Variants in NEGR1 observed in about 807,000 individuals in gnomAD.
NEGR1 encodes the protein IgLON family member 4.
In NEGR1, 10 loss-of-function variants were observed where a neutral mutation model predicts 40.9. The observed-to-expected ratio is 0.24, with a 90% CI of 0.15 to 0.42. NEGR1 has a LOEUF of 0.42. Ranked by LOEUF, NEGR1 falls within the 10% of genes least tolerant of loss-of-function variation. NEGR1 has a pLI of 1.00. For synonymous variants in NEGR1, 185 were observed against 166.8 expected (o/e 1.11, Z -0.84); for missense variants, 352 against 438.9 (o/e 0.80, Z 1.77).
At chr1:72,280,925 G>A (rs1656219512) in intron 1 of NEGR1, among the ~76,000 whole-genome samples, 1 of 152,212 alleles carries the variant, frequency 6.6e-6, no homozygotes, top group African/African-American at 2.4e-5. Flanking sequence ...AGGGAAATGT[G>A]AGGTGGGGTG....
At chr1:71,973,783 C>G (rs1308665638) in intron 1 of NEGR1, among the ~76,000 whole-genome samples, 1 of 152,142 alleles carries the variant, frequency 6.6e-6, no homozygotes, top group African/African-American at 2.4e-5. Flanking sequence ...ATAATTGGAA[C>G]CAAAGAGGAT....
intron 2 of NEGR1, among the ~76,000 whole-genome samples, chr1:71,899,427 T>G (rs1457363495): frequency 1.3e-5 from 2 of 151,978 alleles, no homozygotes; most frequent in Non-Finnish European, 2.9e-5. Flanking sequence ...GGGGAAAAAG[T>G]TAGGGATTTG....
intron 4 of NEGR1, among the ~76,000 whole-genome samples, chr1:71,669,582 G>T (rs1166049284): frequency 6.6e-6 from 1 of 152,006 alleles, no homozygotes; most frequent in Non-Finnish European, 1.5e-5. Flanking sequence ...CACCTACAAT[G>T]CTAGGGCCTT....
intron 6 of NEGR1, among the ~76,000 whole-genome samples, chr1:71,490,178 G>C (rs1646917226): frequency 6.6e-6 from 1 of 151,748 alleles, no homozygotes; most frequent in Admixed American, 6.6e-5. Flanking sequence ...TTCTTTTGCG[G>C]GATTGTATTC....
At position 71,909,792 on chromosome 1, in the gene NEGR1, C is replaced by T. The variant is rs969624828; in HGVS notation, c.409+25287G>A. Among the ~76,000 whole-genome samples, 6 of 151,970 alleles carry T rather than the reference C, an allele frequency of 3.9e-5. No homozygotes were observed. The South Asian group carries it at 1.0e-3, about 26-fold the overall frequency. On this transcript the variant is annotated intron_variant, in intron 2 of 6. Coordinates refer to ENST00000357731, the MANE Select transcript of NEGR1 (RefSeq NM_173808.3). ...TAGAATTTACAAACATTGTGAAGAC[C>T]GAATCAATACATTAATATTGAGGAG...
chr1:71,476,994 A>G (rs557210484), intron 6 of NEGR1: 2 of 152,256 alleles, frequency 1.3e-5, no homozygotes, highest in South Asian at 2.1e-4. Context: ...AAGGCATGCA[A>G]TTATAAGTTT....
chr1:71,719,898 A>T (rs1373061846), intron 3 of NEGR1, among the ~76,000 whole-genome samples: 1 of 152,132 alleles, frequency 6.6e-6, no homozygotes, highest in Non-Finnish European at 1.5e-5. Flanking sequence ...AGATTCAAAA[A>T]TTTCTAGTTT....
chr1:72,010,314 G>A (rs1031173132), intron 1 of NEGR1, among the ~76,000 whole-genome samples: 3 of 152,034 alleles, frequency 2.0e-5, no homozygotes, highest in African/African-American at 7.2e-5. Context: ...AATGAGGTGA[G>A]GTAGGGGAAG....
At chr1:71,593,452 T>A (rs756509904) in intron 5 of NEGR1, among the ~76,000 whole-genome samples, 6 of 152,078 alleles carry the variant, frequency 3.9e-5, no homozygotes, top group African/African-American at 7.2e-5. Context: ...TAGTTCTGAG[T>A]CCAGAGTCAA....
intron 6 of NEGR1, among the ~76,000 whole-genome samples, chr1:71,481,293 A>T (rs1235409570): frequency 6.6e-6 from 1 of 151,918 alleles, no homozygotes; most frequent in Non-Finnish European, 1.5e-5. Context: ...CTGAAAAAAA[A>T]AACTGATAGG....
intron 4 of NEGR1, among the ~76,000 whole-genome samples, chr1:71,652,390 T>A (rs1035627568): frequency 5.9e-5 from 9 of 152,182 alleles, no homozygotes; most frequent in Non-Finnish European, 5.9e-5. Context: ...TCTCATTTTT[T>A]AAACCAGAAG....
chr1:72,275,054 C>G, intron 1 of NEGR1: 1 of 1,413,098 alleles, frequency 7.1e-7, no homozygotes, highest in East Asian at 2.3e-5. Flanking sequence ...TTGGAACCAA[C>G]TGAGCAGAAA....
At chr1:71,692,696 A>T (rs1039112530) in intron 4 of NEGR1, among the ~76,000 whole-genome samples, 1 of 151,828 alleles carries the variant, frequency 6.6e-6, no homozygotes, top group African/African-American at 2.4e-5. Flanking sequence ...AGTTATACTA[A>T]TTGGAACATT....
chr1:71,785,949 GCTGCT>G (rs1213483776), intron 2 of NEGR1, among the ~76,000 whole-genome samples: 2 of 152,130 alleles, frequency 1.3e-5, no homozygotes, highest in Admixed American at 6.6e-5. Flanking sequence ...ATATCTAAAA[GCTGCT>G]CTGGTGTTTT....
chr1:71,483,949 A>C (rs1646870683), intron 6 of NEGR1, among the ~76,000 whole-genome samples: 1 of 151,800 alleles, frequency 6.6e-6, no homozygotes, highest in Middle Eastern at 3.2e-3. Flanking sequence ...CCTTAGAAGC[A>C]AAGAGTGAAA....
At chr1:71,945,525 G>A (rs1320846034) in intron 1 of NEGR1, among the ~76,000 whole-genome samples, 3 of 152,062 alleles carry the variant, frequency 2.0e-5, no homozygotes, top group African/African-American at 7.2e-5. Context: ...CTGGTTCACA[G>A]AACTAATTTT....
chr1:71,686,361 G>T (rs1653036452), intron 4 of NEGR1, among the ~76,000 whole-genome samples: 1 of 152,098 alleles, frequency 6.6e-6, no homozygotes, highest in Non-Finnish European at 1.5e-5. Flanking sequence ...TGAAAGGTGG[G>T]GAGTGAAAGG....
At chr1:72,185,679 A>G (rs569745923) in intron 1 of NEGR1, among the ~76,000 whole-genome samples, 1 of 152,068 alleles carries the variant, frequency 6.6e-6, no homozygotes, top group East Asian at 1.9e-4. Flanking sequence ...ATTAAAATAC[A>G]TCTAATATTT....
At chr1:71,946,299 T>A (rs1646018459) in intron 1 of NEGR1, among the ~76,000 whole-genome samples, 1 of 151,664 alleles carries the variant, frequency 6.6e-6, no homozygotes, top group Non-Finnish European at 1.5e-5. Context: ...GGTCTCAACC[T>A]CAGTTTTTTT....
Sources: allele counts gnomAD v4.1 joint callset (sites outside exome capture counted in the v4.1 genomes callset), GRCh38; gene constraint gnomAD v4.1.1; transcripts MANE v1.5; gene names NCBI Gene and HGNC (gene_info 2026-07-23, HGNC 2026-07-21).